Variants in ADORA2A observed in about 807,000 individuals in gnomAD.
ADORA2A encodes the protein adenosine A2a receptor, also known as adenosine receptor A2a.
In ADORA2A, 11 loss-of-function variants were observed where a neutral mutation model predicts 18.4. The ratio of observed to expected loss-of-function variants is 0.60; its 90% CI spans 0.38 to 0.99. The LOEUF is 0.99. Among genes scored for constraint, ADORA2A ranks in the 50% least tolerant of loss-of-function variants. The pLI is 0.01. For synonymous variants in ADORA2A, 218 were observed against 237.3 expected (o/e 0.92, Z 0.75); for missense variants, 449 against 556.1 (o/e 0.81, Z 1.94).
chr22:24,436,507 A>G (rs549035795), intron 2 of ADORA2A, among the ~76,000 whole-genome samples: 1 of 152,298 alleles, frequency 6.6e-6, no homozygotes, highest in East Asian at 1.9e-4. Context: ...TCTGTGAGAA[A>G]GACTTCAGGC....
upstream of ADORA2A, among the ~76,000 whole-genome samples, chr22:24,425,783 C>T (rs142669106): frequency 4.2e-4 from 64 of 152,366 alleles, 2 homozygotes; most frequent in South Asian, 0.011. Context: ...TCAGTGCTCT[C>T]GTCTGGGTTC....
At chr22:24,431,704 G>T (rs1245314462) in intron 1 of ADORA2A, 2 of 354,692 alleles carry the variant, frequency 5.6e-6, no homozygotes, top group African/African-American at 4.3e-5. Flanking sequence ...GGGTAGATTT[G>T]GGGGCCTCTT....
chr22:24,436,582 C>T (rs2043184695), intron 2 of ADORA2A, among the ~76,000 whole-genome samples: 1 of 152,158 alleles, frequency 6.6e-6, no homozygotes, highest in Non-Finnish European at 1.5e-5. Context: ...GAGACACAGG[C>T]TTCTTTTTCC....
At position 24,440,653 on chromosome 22, in the gene ADORA2A, A is replaced by T; in HGVS notation, c.403A>T (p.Ile135Phe). The change falls in exon 3 of 3, where the codon ATC (isoleucine) becomes TTC (phenylalanine). Residue 135 changes from isoleucine to phenylalanine, a missense_variant. By Grantham distance (21) the Ile-to-Phe change is conservative. Transcript: ENST00000337539. ...IAICWVLSFAIGLTPMLGWNN... is the reference protein window; with the variant it reads ...IAICWVLSFAFGLTPMLGWNN... ...CATCTGCTGGGTGCTGTCGTTTGCC[A>T]TCGGCCTGACTCCCATGCTAGGTTG... The T allele has an allele frequency of 6.2e-7, 1 of 1,609,446 alleles. No individual in the cohort carries two copies. The highest frequency in any genetic ancestry group is 8.5e-7 in the Non-Finnish European group (1 of 1,176,568).
chr22:24,438,272 G>A (rs2043227410), intron 2 of ADORA2A: 1 of 152,264 alleles, frequency 6.6e-6, no homozygotes, highest in Admixed American at 6.5e-5. Flanking sequence ...GAGGCTCAGA[G>A]AGACAAAGTT....
Position 24,440,588 on chromosome 22 carries a change from A to G in ADORA2A, c.338A>G (p.Asn113Ser). The change falls in exon 3 of 3, where the codon AAT (asparagine) becomes AGT (serine). Residue 113 changes from asparagine to serine, a missense_variant. Transcript: ENST00000337539. ...YIAIRIPLRYNGLVTGTRAKG... is the reference protein window; with the variant it reads ...YIAIRIPLRYSGLVTGTRAKG... Reference sequence around the variant, plus strand: ...TGCTGGTCTCTTCTCCCCAGGTACAATGGCTTGGTGACCGGCACGAGGGCT... The same window carrying G: ...TGCTGGTCTCTTCTCCCCAGGTACAGTGGCTTGGTGACCGGCACGAGGGCT... 1 of 1,557,418 alleles carries G rather than the reference A, an allele frequency of 6.4e-7. No homozygotes were observed. The highest frequency in any genetic ancestry group is 8.7e-7 in the Non-Finnish European group (1 of 1,149,156).
intron 1 of ADORA2A, chr22:24,431,124 T>C (rs776388560): frequency 6.6e-6 from 3 of 456,786 alleles, no homozygotes; most frequent in South Asian, 4.6e-5. Context: ...CCAGGAGAGC[T>C]GGTCTGGTGC....
intron 2 of ADORA2A, among the ~76,000 whole-genome samples, chr22:24,433,941 G>A (rs551197466): frequency 1.2e-3 from 186 of 152,380 alleles, no homozygotes; most frequent in Non-Finnish European, 2.1e-3. Context: ...CCCTATGGGC[G>A]CAGGGCAGCC....
At chr22:24,438,782 A>G (rs563710654) in intron 2 of ADORA2A, 1 of 152,370 alleles carries the variant, frequency 6.6e-6, no homozygotes, top group South Asian at 2.1e-4. Flanking sequence ...GGATTGGACC[A>G]CATAAGAGAT....
At chr22:24,433,820 A>G (rs1223349688) in intron 2 of ADORA2A, 84 bp downstream of exon 2, 1 of 1,444,610 alleles carries the variant, frequency 6.9e-7, no homozygotes, top group Non-Finnish European at 9.3e-7. Flanking sequence ...TGAGCCTGGG[A>G]TCAGGGCCTG....
At chr22:24,431,315 G>A in intron 1 of ADORA2A, 1 of 456,828 alleles carries the variant, frequency 2.2e-6, no homozygotes, top group Middle Eastern at 3.3e-4. Flanking sequence ...CAGGCTCCTA[G>A]TAGGGGCAAA....
chr22:24,433,749 G>A lies in ADORA2A; in HGVS notation c.332+13G>A, dbSNP rs202158494. On this transcript the variant is annotated intron_variant, in intron 2 of 2. Coordinates refer to ENST00000337539, the MANE Select transcript of ADORA2A (RefSeq NM_000675.6). ...GCATCCCGCTCCGGTGAGCAGGGCC[G>A]GGGTTACATCTGTGCAAAGGCTGTT... is the stretch of plus-strand genomic sequence containing the variant. The A allele has an allele frequency of 2.2e-5, 35 of 1,599,064 alleles. No homozygotes were observed. The highest frequency in any genetic ancestry group is 4.4e-5 in the South Asian group (4 of 90,718).
At chr22:24,429,592 G>C (rs1039878683) in intron 1 of ADORA2A, 1 of 152,260 alleles carries the variant, frequency 6.6e-6, no homozygotes, top group South Asian at 2.1e-4. Flanking sequence ...AGGGAGGGGA[G>C]CTGGAGGCCC....
intron 1 of ADORA2A, chr22:24,430,938 T>G (rs1329417291): frequency 2.8e-6 from 1 of 360,964 alleles, no homozygotes; most frequent in East Asian, 7.4e-5. Context: ...GAGTCCACCT[T>G]GGAGCCACAG....
upstream of ADORA2A, chr22:24,427,450 G>C (rs1478924633): frequency 6.6e-6 from 1 of 152,304 alleles, no homozygotes; most frequent in Admixed American, 6.5e-5. Context: ...CTGTGTCCGC[G>C]GGGCCATCTA....
intron 1 of ADORA2A, chr22:24,431,330 C>T: frequency 2.2e-6 from 1 of 456,816 alleles, no homozygotes; most frequent in Non-Finnish European, 4.4e-6. Flanking sequence ...GGCAAAAGGG[C>T]CTGCTGGGTG....
In ADORA2A at chr22:24,433,711, T is replaced by G; in HGVS notation, c.307T>G (p.Tyr103Asp). The part of the protein sequence containing the change: ...FSLLAIAIDR[Y>D]IAIRIPLRYN... ...TCTCCTGGCCATCGCCATTGACCGC[T>G]ACATTGCCATCCGCATCCCGCTCCG... is the stretch of plus-strand genomic sequence containing the variant. The change falls in exon 2 of 3, where the codon TAC (tyrosine) becomes GAC (aspartate). Residue 103 changes from tyrosine (Y) to aspartate (D), a missense_variant. By Grantham distance (160) the Tyr-to-Asp change is radical (BLOSUM62 -3). Transcript: ENST00000337539. The G allele has an allele frequency of 2.5e-6, 4 of 1,608,598 alleles. No homozygotes were observed. The South Asian group carries it at 4.4e-5, about 18-fold the overall frequency.
At chr22:24,432,910 C>A in intron 1 of ADORA2A, 1 of 166,138 alleles carries the variant, frequency 6.0e-6, no homozygotes. Flanking sequence ...GGGTCAAATT[C>A]CCACCTCTCT....
At chr22:24,425,337 A>ACTCCCC (rs1568940744), upstream of ADORA2A, among the ~76,000 whole-genome samples, 4 of 82,318 alleles carry the variant, frequency 4.9e-5, no homozygotes, top group African/African-American at 1.1e-4. Context: ...TGTGGGCAGC[A>ACTCCCC]CCCCCCCCCC....
Sources: gnomAD v4.1 joint callset for allele counts (sites outside exome capture counted in the v4.1 genomes callset) on GRCh38, gnomAD v4.1.1 for gene constraint, MANE v1.5 for transcripts, NCBI Gene and HGNC (gene_info 2026-07-23, HGNC 2026-07-21) for gene names.